CTNNA3: variants seen among roughly 807,000 people sequenced by gnomAD.
CTNNA3 encodes catenin alpha 3.
In CTNNA3, 76 loss-of-function variants were observed where a neutral mutation model predicts 95.7. The ratio of observed to expected loss-of-function variants is 0.79; its 90% CI spans 0.66 to 0.96. CTNNA3 has a LOEUF of 0.96. Among genes scored for constraint, CTNNA3 ranks in the 40% least tolerant of loss-of-function variants. The probability of loss-of-function intolerance (pLI) is 0.00; values close to 1 mark genes in which losing one functional copy is unlikely to be tolerated. For synonymous variants in CTNNA3, 431 were observed against 374.4 expected, an observed-to-expected ratio of 1.15 and a Z score of -1.74; for missense variants, 1,191 against 1,089.8, an observed-to-expected ratio of 1.09 and a Z score of -1.31.
At chr10:66,550,778 T>C (rs986703372) in intron 10 of CTNNA3, among the ~76,000 whole-genome samples, 4 of 152,184 alleles carry the variant, frequency 2.6e-5, no homozygotes, top group Non-Finnish European at 4.4e-5. Flanking sequence ...GGCTGACTTT[T>C]TTTTAATCTG....
chr10:67,012,019 A>C (rs1852370299), intron 7 of CTNNA3, among the ~76,000 whole-genome samples: 1 of 152,156 alleles, frequency 6.6e-6, no homozygotes, highest in South Asian at 2.1e-4. Context: ...CTTTAGGTTT[A>C]ATATATGAGG....
intron 7 of CTNNA3, among the ~76,000 whole-genome samples, chr10:66,845,729 A>AAAAAAAAAAAAAAAC (rs1297933220): frequency 4.6e-5 from 4 of 87,764 alleles, no homozygotes; most frequent in Admixed American, 1.3e-4. Flanking sequence ...AAAAAAAAAA[A>AAAAAAAAAAAAAAAC]CTAAAAAGGT....
intron 9 of CTNNA3, among the ~76,000 whole-genome samples, chr10:66,663,613 C>A (rs1846339184): frequency 6.6e-6 from 1 of 152,008 alleles, no homozygotes; most frequent in South Asian, 2.1e-4. Flanking sequence ...CCTTTCTCTC[C>A]CACTCTACTG....
chr10:67,185,008 C>T (rs1290069999), intron 6 of CTNNA3, among the ~76,000 whole-genome samples: 1 of 151,932 alleles, frequency 6.6e-6, no homozygotes, highest in Non-Finnish European at 1.5e-5. Context: ...TTTGAAGGCC[C>T]CTTATATAAT....
chr10:66,802,200 A>G (rs927070360), intron 7 of CTNNA3, among the ~76,000 whole-genome samples: 27 of 151,854 alleles, frequency 1.8e-4, no homozygotes, highest in African/African-American at 5.6e-4. Context: ...ATGATAAAGA[A>G]CTACTTAAAA....
In CTNNA3 at chr10:67,009,606, C is replaced by T. The variant is rs545786659; in HGVS notation, c.1047+170711G>A. 5.3e-5 allele frequency among the ~76,000 whole-genome samples: 8 copies of T among 151,896 alleles called. No individual in the cohort carries two copies. The South Asian group carries it at 1.3e-3, about 24-fold the overall frequency. On this transcript the variant is annotated intron_variant, in intron 7 of 17. Transcript: ENST00000433211. ...AATGGGTAATTTTTATCCTAATCTT[C>T]CAATGTTTTTTGGGAAATTTCTCTT...
At chr10:66,127,964 T>C (rs191491320) in intron 13 of CTNNA3, among the ~76,000 whole-genome samples, 1,527 of 152,076 alleles carry the variant, frequency 0.01, 33 homozygotes, top group African/African-American at 0.035. Context: ...CCCAGCTACT[T>C]GGGAGGCTGA....
At chr10:66,697,349 G>A (rs1184408734) in intron 9 of CTNNA3, among the ~76,000 whole-genome samples, 2 of 151,034 alleles carry the variant, frequency 1.3e-5, no homozygotes, top group South Asian at 2.1e-4. Context: ...GAGTCTAGAA[G>A]AATAAATCCT....
intron 5 of CTNNA3, among the ~76,000 whole-genome samples, chr10:67,370,225 G>A (rs1397202058): frequency 1.3e-5 from 2 of 151,724 alleles, no homozygotes; most frequent in Admixed American, 1.3e-4. Flanking sequence ...TGCTGATGTG[G>A]AAAGATCTCC....
intron 5 of CTNNA3, among the ~76,000 whole-genome samples, chr10:67,243,911 C>T (rs1865810523): frequency 6.6e-6 from 1 of 152,126 alleles, no homozygotes; most frequent in African/African-American, 2.4e-5. Flanking sequence ...TGAGTTCCTC[C>T]TGAGGCCAAA....
chr10:67,129,025 T>C (rs1184251512), intron 7 of CTNNA3, among the ~76,000 whole-genome samples: 1 of 151,976 alleles, frequency 6.6e-6, no homozygotes, highest in African/African-American at 2.4e-5. Context: ...AGACTGCAAA[T>C]ATAAGGGAGG....
intron 13 of CTNNA3, among the ~76,000 whole-genome samples, chr10:66,213,048 A>C (rs2088274276): frequency 6.6e-6 from 1 of 152,236 alleles, no homozygotes; most frequent in Non-Finnish European, 1.5e-5. Context: ...TTTTTGCCCC[A>C]TGTTACACAA....
chr10:66,443,093 A>G (rs2089397), intron 11 of CTNNA3, among the ~76,000 whole-genome samples: 62,364 of 151,782 alleles, frequency 0.41, 13,837 homozygotes, highest in East Asian at 0.6. Context: ...CTGCAAGGCC[A>G]CAGGGAGGCT....
At chr10:66,817,238 A>G in intron 7 of CTNNA3, among the ~76,000 whole-genome samples, 1 of 151,994 alleles carries the variant, frequency 6.6e-6, no homozygotes, top group East Asian at 1.9e-4. Flanking sequence ...AACAAAAAAC[A>G]CATCCAAATT....
intron 11 of CTNNA3, among the ~76,000 whole-genome samples, chr10:66,389,212 A>AT (rs75177664): frequency 0.016 from 2,394 of 151,274 alleles, 70 homozygotes; most frequent in African/African-American, 0.055. Flanking sequence ...CTCCTCAAAA[A>AT]TTTTTTTTTT....
intron 10 of CTNNA3, among the ~76,000 whole-genome samples, chr10:66,588,663 ATCCC>A (rs1843442898): frequency 2.6e-5 from 4 of 152,152 alleles, no homozygotes; most frequent in Admixed American, 2.0e-4. Flanking sequence ...TTATCTAATT[ATCCC>A]ATCACTCTCA....
At chr10:66,613,840 C>T (rs1844414609) in intron 10 of CTNNA3, among the ~76,000 whole-genome samples, 1 of 151,940 alleles carries the variant, frequency 6.6e-6, no homozygotes, top group African/African-American at 2.4e-5. Flanking sequence ...AGAATATGGT[C>T]ATTTTACATT....
At chr10:66,716,353 T>C (rs1231846832) in intron 9 of CTNNA3, among the ~76,000 whole-genome samples, 1 of 152,152 alleles carries the variant, frequency 6.6e-6, no homozygotes, top group Admixed American at 6.6e-5. Context: ...AAATAATTTA[T>C]GTATATTTTC....
intron 7 of CTNNA3, among the ~76,000 whole-genome samples, chr10:66,956,011 T>C (rs1848772916): frequency 6.6e-6 from 1 of 152,084 alleles, no homozygotes; most frequent in Non-Finnish European, 1.5e-5. Flanking sequence ...GCAGAGCCTT[T>C]AAGGGAATTC....
Sources: gnomAD v4.1 joint callset for allele counts (sites outside exome capture counted in the v4.1 genomes callset) on GRCh38, gnomAD v4.1.1 for gene constraint, MANE v1.5 for transcripts, NCBI Gene and HGNC (gene_info 2026-07-23, HGNC 2026-07-21) for gene names.